Variants in LRRTM4 observed in about 807,000 individuals in gnomAD.
The protein encoded by LRRTM4 is leucine-rich repeat transmembrane neuronal protein 4.
LRRTM4 carries 25 observed loss-of-function variants against 47.6 expected under a neutral mutation model. That is an observed-to-expected ratio of 0.53 (90% CI 0.38 to 0.73). The LOEUF is 0.73. LRRTM4 is among the 30% of genes least tolerant of loss of function. LRRTM4 has a pLI of 0.00. For synonymous variants in LRRTM4, 311 were observed against 269.5 expected (o/e 1.15, Z -1.51); for missense variants, 638 against 713.4 (o/e 0.89, Z 1.20).
At chr2:77,078,860 G>A (rs1572934132) in intron 3 of LRRTM4, among the ~76,000 whole-genome samples, 2 of 152,240 alleles carry the variant, frequency 1.3e-5, no homozygotes, top group East Asian at 1.9e-4. Flanking sequence ...ATTCCTCACA[G>A]TTCTGGTAGC....
chr2:77,438,220 A>G (rs953677522), intron 3 of LRRTM4, among the ~76,000 whole-genome samples: 1 of 152,108 alleles, frequency 6.6e-6, no homozygotes, highest in Non-Finnish European at 1.5e-5. Flanking sequence ...TAAAACGTCA[A>G]AAATAATCTT....
chr2:76,802,224 TAA>T (rs1177394172), intron 3 of LRRTM4, among the ~76,000 whole-genome samples: 2 of 118,632 alleles, frequency 1.7e-5, no homozygotes. Context: ...CAAAAAATCC[TAA>T]AGACTCCACC....
chr2:77,203,690 G>C (rs1674043149), intron 3 of LRRTM4, among the ~76,000 whole-genome samples: 1 of 152,182 alleles, frequency 6.6e-6, no homozygotes, highest in Non-Finnish European at 1.5e-5. Flanking sequence ...GTATAGAAAA[G>C]AGTCAAGTGC....
chr2:77,409,399 G>C (rs1441288154), intron 3 of LRRTM4, among the ~76,000 whole-genome samples: 8 of 152,120 alleles, frequency 5.3e-5, no homozygotes, highest in Admixed American at 5.2e-4. Context: ...AAATCAGAAG[G>C]ACAAGCTAGG....
chr2:77,065,536 T>C (rs950906935), intron 3 of LRRTM4, among the ~76,000 whole-genome samples: 1 of 152,200 alleles, frequency 6.6e-6, no homozygotes, highest in African/African-American at 2.4e-5. Context: ...TACTACTATA[T>C]GCTACTAAAT....
chr2:77,163,478 C>A (rs1672789670), intron 3 of LRRTM4, among the ~76,000 whole-genome samples: 1 of 152,062 alleles, frequency 6.6e-6, no homozygotes, highest in Non-Finnish European at 1.5e-5. Flanking sequence ...ATAGAGAACT[C>A]CACAAAGATA....
At chr2:76,938,058 C>G (rs1418647924) in intron 3 of LRRTM4, among the ~76,000 whole-genome samples, 1 of 151,920 alleles carries the variant, frequency 6.6e-6, no homozygotes, top group Non-Finnish European at 1.5e-5. Flanking sequence ...TAAGAATTAT[C>G]AAATAATTAT....
chr2:76,924,277 G>A lies in LRRTM4; in HGVS notation c.1552-175361C>T, dbSNP rs570202579. 3.3e-5 allele frequency among the ~76,000 whole-genome samples: 5 copies of A among 151,920 alleles called. No individual in the cohort carries two copies. In the South Asian group the frequency reaches 1.0e-3, roughly 32 times the overall value. On this transcript the variant is annotated intron_variant, in intron 3 of 3. Coordinates refer to ENST00000409884, the MANE Select transcript of LRRTM4 (RefSeq NM_001134745.3). Reference sequence around the variant, plus strand: ...AGACTGGAACTAAGGTACTGAAATTGCACCAACCTGTCTTTATAAACTATT... The same window carrying A: ...AGACTGGAACTAAGGTACTGAAATTACACCAACCTGTCTTTATAAACTATT...
At chr2:76,867,948 G>A (rs1372454573) in intron 3 of LRRTM4, among the ~76,000 whole-genome samples, 2 of 152,136 alleles carry the variant, frequency 1.3e-5, no homozygotes, top group Non-Finnish European at 2.9e-5. Flanking sequence ...CCTTTGGAAT[G>A]TTCTAGAGAG....
At chr2:77,144,607 C>T (rs931813201) in intron 3 of LRRTM4, among the ~76,000 whole-genome samples, 5 of 152,256 alleles carry the variant, frequency 3.3e-5, no homozygotes, top group Admixed American at 2.0e-4. Flanking sequence ...GCTAAAGGAC[C>T]TCTGCACTAG....
intron 3 of LRRTM4, among the ~76,000 whole-genome samples, chr2:76,938,564 C>A (rs1172345479): frequency 6.6e-6 from 1 of 152,032 alleles, no homozygotes; most frequent in Non-Finnish European, 1.5e-5. Flanking sequence ...AATTAATGAG[C>A]TGAATTATAA....
rs528914183 is a variant in LRRTM4 at position 77,119,135 on chromosome 2, C to T, written c.1552-370219G>A. On this transcript the variant is annotated intron_variant, in intron 3 of 3. Transcript: ENST00000409884. The stretch of plus-strand genomic sequence containing the variant: ...GAATCCACAATTTCAATGAATCCAA[C>T]TCATCCAGTTATCTATACAATGTAT... Among the ~76,000 whole-genome samples, 3 of 151,966 alleles carry T rather than the reference C, an allele frequency of 2.0e-5. No individual in the cohort carries two copies. The South Asian group carries it at 6.2e-4, about 32-fold the overall frequency.
intron 3 of LRRTM4, among the ~76,000 whole-genome samples, chr2:77,264,755 C>T (rs533532809): frequency 1.3e-5 from 2 of 152,072 alleles, no homozygotes; most frequent in East Asian, 1.9e-4. Context: ...TAAAATGAGG[C>T]CCCTTATATA....
At chr2:77,366,495 T>C (rs575141231) in intron 3 of LRRTM4, among the ~76,000 whole-genome samples, 44 of 151,992 alleles carry the variant, frequency 2.9e-4, no homozygotes, top group African/African-American at 1.0e-3. Context: ...CTTGTCTCTG[T>C]AAGCAAATGA....
intron 3 of LRRTM4, among the ~76,000 whole-genome samples, chr2:77,442,396 A>G (rs904313982): frequency 5.9e-5 from 9 of 152,320 alleles, no homozygotes; most frequent in African/African-American, 1.9e-4. Flanking sequence ...CCTAAAATGT[A>G]GTAGTTCATG....
intron 3 of LRRTM4, among the ~76,000 whole-genome samples, chr2:76,988,544 G>A (rs1378127967): frequency 4.0e-5 from 6 of 151,680 alleles, no homozygotes; most frequent in South Asian, 2.1e-4. Flanking sequence ...TACTGAAATC[G>A]TGTATTTCAA....
intron 3 of LRRTM4, among the ~76,000 whole-genome samples, chr2:76,901,740 TCTC>T (rs1250702745): frequency 6.6e-6 from 1 of 152,128 alleles, no homozygotes; most frequent in Non-Finnish European, 1.5e-5. Flanking sequence ...TACTATCTCT[TCTC>T]CTTGTTGAGT....
intron 3 of LRRTM4, among the ~76,000 whole-genome samples, chr2:77,309,944 A>C (rs1167805993): frequency 6.6e-6 from 1 of 152,040 alleles, no homozygotes; most frequent in Non-Finnish European, 1.5e-5. Context: ...TTTTTTAACT[A>C]TTGTCTGTGG....
chr2:77,145,828 T>C (rs1672245574), intron 3 of LRRTM4, among the ~76,000 whole-genome samples: 1 of 149,454 alleles, frequency 6.7e-6, no homozygotes, highest in African/African-American at 2.5e-5. Flanking sequence ...AAATTGTATA[T>C]ATGCTTAAGT....
Sources: gnomAD v4.1 joint callset for allele counts (sites outside exome capture counted in the v4.1 genomes callset) on GRCh38, gnomAD v4.1.1 for gene constraint, MANE v1.5 for transcripts, NCBI Gene and HGNC (gene_info 2026-07-23, HGNC 2026-07-21) for gene names.